The following DMBT1 variants were observed in gnomAD, a reference collection of about 807,000 sequenced individuals.
DMBT1 encodes deleted in malignant brain tumors 1.
Under a neutral mutation model 252.9 loss-of-function variants are expected in DMBT1, and 198 were observed. That is an observed-to-expected ratio of 0.78 (90% confidence interval 0.70 to 0.88). The LOEUF (loss-of-function observed/expected upper bound fraction) is 0.88. DMBT1 is among the 40% of genes least tolerant of loss of function. The pLI is 0.00. For synonymous variants in DMBT1, 990 were observed against 942.7 expected, an observed-to-expected ratio of 1.05 and a Z score of -0.92; for missense variants, 2,432 against 2,404.7, an observed-to-expected ratio of 1.01 and a Z score of -0.24.
chr10:122,630,050 G>A (rs1305755462), intron 47 of DMBT1, 57 bp downstream of exon 47: 10 of 1,601,794 alleles, frequency 6.2e-6, no homozygotes, highest in Non-Finnish European at 8.5e-6. Context: ...ACACCCACTG[G>A]TTTAGACTGT....
intron 4 of DMBT1, among the ~76,000 whole-genome samples, chr10:122,571,913 T>C (rs2981798): frequency 0.69 from 104,596 of 152,174 alleles, 36,161 homozygotes; most frequent in East Asian, 0.77. Context: ...TTGGAAACCA[T>C]CTTTCTTGTT....
At chr10:122,576,343 C>G in intron 6 of DMBT1, 56 bp from the exon 7 acceptor site, 1 of 1,595,606 alleles carries the variant, frequency 6.3e-7, no homozygotes, top group Non-Finnish European at 8.5e-7. Context: ...CCTGCAGGCC[C>G]TGAGACCTTG....
chr10:122,589,322 A>G (rs2097825988), intron 17 of DMBT1, 55 bp downstream of exon 17: 1 of 1,583,840 alleles, frequency 6.3e-7, no homozygotes, highest in Admixed American at 1.7e-5. Context: ...GCCCAGGAAG[A>G]GAGGTCTTAT....
Position 122,585,981 on chromosome 10 carries a change from G to C in DMBT1, c.1460-79G>C, listed in dbSNP as rs149401684. The C allele has an allele frequency of 1.0e-4, 158 of 1,575,318 alleles. 17 individuals are homozygous for C. The highest frequency in any genetic ancestry group is 1.3e-4 in the Non-Finnish European group (156 of 1,159,494). ...CCCAGGTGACTTTAGCCATTAGGAC[G>C]TGCCTTGAGTGTGGAACATTCCTTA... On this transcript the variant is annotated intron_variant, in intron 15 of 55. Transcript: ENST00000338354.
chr10:122,572,541 C>G (rs1008030976), intron 5 of DMBT1, among the ~76,000 whole-genome samples, 180 bp downstream of exon 5: 1 of 152,198 alleles, frequency 6.6e-6, no homozygotes, highest in Non-Finnish European at 1.5e-5. Context: ...TCACCACACA[C>G]GAGCACGTTT....
chr10:122,576,483 G>C lies in DMBT1; in HGVS notation c.368G>C (p.Trp123Ser). 1 of 1,613,972 alleles carries C rather than the reference G, an allele frequency of 6.2e-7. No individual in the cohort carries two copies. The highest frequency in any genetic ancestry group is 1.1e-5 in the South Asian group (1 of 91,070). The change falls in exon 7 of 56, where the codon TGG becomes TCG. Residue 123 changes from tryptophan to serine, a missense_variant. Coordinates refer to ENST00000338354, the MANE Select transcript of DMBT1 (RefSeq NM_001377530.1). ...GTGGAGATCCTATACCGAGGCTCCTGGGGCACCGTGTGTGATGACAGCTGG... is the reference window on the plus strand; with the variant it reads ...GTGGAGATCCTATACCGAGGCTCCTCGGGCACCGTGTGTGATGACAGCTGG... ...GRVEILYRGSWGTVCDDSWDT... is the reference protein window; with the variant it reads ...GRVEILYRGSSGTVCDDSWDT...
chr10:122,587,336 G>A (rs928368699), intron 16 of DMBT1, among the ~76,000 whole-genome samples: 2 of 148,600 alleles, frequency 1.3e-5, no homozygotes, highest in African/African-American at 4.9e-5. Flanking sequence ...ACAAGGCTGG[G>A]AGTGGAGATT....
rs2097540055 is a variant in DMBT1 at position 122,560,810 on chromosome 10, TG to T, written c.44del (p.Gly15AspfsTer19). ...STVILEMCLLWGQVLSTGGWI... is the reference protein window; with the variant it reads ...STVILEMCLLXGQVLSTGGWI... Reference sequence around the variant, plus strand: ...AGTCATCCTTGAAATGTGTCTTTTATGGGGACAAGTTCTATCTACAGGTATT... The same window carrying T: ...AGTCATCCTTGAAATGTGTCTTTTATGGGACAAGTTCTATCTACAGGTATT... On this transcript the variant is annotated frameshift_variant, in exon 1 of 56. Transcript: ENST00000338354. LOFTEE classifies it high-confidence loss of function. 1 of 1,573,030 alleles carries T rather than the reference TG, an allele frequency of 6.4e-7. No homozygotes were observed.
chr10:122,573,822 TC>T lies in DMBT1; in HGVS notation c.283+61del, dbSNP rs1488992161. The T allele has an allele frequency of 3.8e-6, 6 of 1,586,816 alleles. No homozygotes were observed. The African/African-American group carries it at 8.1e-5, about 21-fold the overall frequency. ...TTACCCCCCTGCACCCCTAGGTTAA[TC>T]TCTGATTCAGATGAGGTGCAGAGGG... On this transcript the variant is annotated intron_variant, in intron 6 of 55. Transcript: ENST00000338354.
At position 122,572,331 on chromosome 10, in the gene DMBT1, G is replaced by C; in HGVS notation, c.205G>C (p.Glu69Gln). 1 of 1,613,270 alleles carries C rather than the reference G, an allele frequency of 6.2e-7. No homozygotes were observed. Among genetic ancestry groups the C allele is most frequent in the Non-Finnish European group, 8.5e-7 (1 of 1,179,394 alleles). Residue 69 changes from glutamate to glutamine, a missense_variant, in exon 5 of 56, where the codon GAG becomes CAG. Physicochemically the swap from Glu to Gln is conservative, Grantham distance 29. This residue lies in a region of DMBT1 where 1,264 missense variants were observed against 1,082.2 expected (regional missense o/e 1.17). Transcript: ENST00000338354. ...TVAEGSPISL[E>Q]STLESTVAEG... is the part of the protein sequence containing the mutation. ...CCCTGCAGGTTCTCCGATTTCCTTGGAGTCAACCCTGGAGTCAACCGTAGC... is the reference window on the plus strand; with the variant it reads ...CCCTGCAGGTTCTCCGATTTCCTTGCAGTCAACCCTGGAGTCAACCGTAGC...
At position 122,573,780 on chromosome 10, in the gene DMBT1, G is replaced by A; in HGVS notation, c.283+18G>A. ...AGCAGAAGGTAACGTCTACTATGGGGGATCCCTGTAGGCTCATTACCCCCC... is the reference window on the plus strand; with the variant it reads ...AGCAGAAGGTAACGTCTACTATGGGAGATCCCTGTAGGCTCATTACCCCCC... On this transcript the variant is annotated intron_variant, in intron 6 of 55. Coordinates refer to ENST00000338354, the MANE Select transcript of DMBT1 (RefSeq NM_001377530.1). 6.2e-7 allele frequency: 1 copy of A among 1,612,580 alleles called. No homozygotes were observed. Among genetic ancestry groups the A allele is most frequent in the South Asian group, 1.1e-5 (1 of 91,048 alleles).
chr10:122,572,542 G>A (rs1019401148), intron 5 of DMBT1, among the ~76,000 whole-genome samples, 181 bp downstream of exon 5: 1 of 152,180 alleles, frequency 6.6e-6, no homozygotes, highest in Non-Finnish European at 1.5e-5. Context: ...CACCACACAC[G>A]AGCACGTTTG....
At chr10:122,600,383 G>A (rs767659110) in intron 27 of DMBT1, among the ~76,000 whole-genome samples, 17 of 152,136 alleles carry the variant, frequency 1.1e-4, no homozygotes, top group Non-Finnish European at 2.5e-4. Flanking sequence ...TGTTTAATGA[G>A]CTTTGGTCCT....
At chr10:122,587,012 G>A (rs2097795791) in intron 16 of DMBT1, among the ~76,000 whole-genome samples, 2 of 148,536 alleles carry the variant, frequency 1.3e-5, no homozygotes, top group Non-Finnish European at 3.0e-5. Context: ...CCCCTGACCA[G>A]GGAGGACACT....
intron 44 of DMBT1, 89 bp downstream of exon 44, chr10:122,621,469 A>G (rs2098068063): frequency 6.3e-7 from 1 of 1,581,974 alleles, no homozygotes; most frequent in Non-Finnish European, 8.6e-7. Context: ...CCTCACTCAA[A>G]GCTTCTCCTG....
chr10:122,591,254 T>C (rs1486185374), intron 18 of DMBT1, among the ~76,000 whole-genome samples: 3 of 148,252 alleles, frequency 2.0e-5, no homozygotes, highest in African/African-American at 7.3e-5. Flanking sequence ...GAGAAGAGGG[T>C]ATTCCACACT....
At position 122,588,999 on chromosome 10, in the gene DMBT1, C is replaced by T. The variant is rs2097821747; in HGVS notation, c.1839C>T (p.Gly613=). The change falls in exon 17 of 56, where the codon GGC becomes GGT. Residue 613 remains glycine (G), a synonymous_variant. Transcript: ENST00000338354. Reference sequence around the variant, plus strand: ...TGAATGGAGGTGACAGGTGTCAGGGCCGAGTGGAGGTCCTATACCGAGGCT... The same window carrying T: ...TGAATGGAGGTGACAGGTGTCAGGGTCGAGTGGAGGTCCTATACCGAGGCT... ...RLVNGGDRCQ[G]RVEVLYRGSW... 6.3e-7 allele frequency: 1 copy of T among 1,588,344 alleles called. No homozygotes were observed. The highest frequency in any genetic ancestry group is 1.3e-5 in the African/African-American group (1 of 74,506).
rs752208447 is a variant in DMBT1, at chr10:122,630,453, C to T, written c.5988C>T (p.Asn1996=). Residue 1996 remains asparagine, a synonymous_variant, in exon 48 of 56, where the codon AAC becomes AAT. Transcript: ENST00000338354. The stretch of plus-strand genomic sequence containing the variant: ...TTCGAAGTGACATCAGTTTCCAAAA[C>T]ACTGGCTTTTTGGCTTGGTATAACT... ...IHFRSDISFQ[N]TGFLAWYNSF... 2.5e-6 allele frequency: 4 copies of T among 1,614,004 alleles called. No homozygotes were observed. Among genetic ancestry groups the T allele is most frequent in the South Asian group, 2.2e-5 (2 of 91,082 alleles).
Position 122,589,088 on chromosome 10 carries a change from T to A in DMBT1, c.1928T>A (p.Leu643Gln). 4 of 1,588,806 alleles carry A rather than the reference T, an allele frequency of 2.5e-6. No homozygotes were observed. Among genetic ancestry groups the A allele is most frequent in the Non-Finnish European group, 3.4e-6 (4 of 1,165,924 alleles). ...GATGCCAATGTGGTCTGCAGGCAGC[T>A]GGGCTGTGGCTGGGCCACGTCAGCC... The part of the protein sequence containing the change: ...TNDANVVCRQ[L>Q]GCGWATSAPG... Residue 643 changes from leucine to glutamine, a missense_variant, in exon 17 of 56, where the codon CTG becomes CAG. Leu to Gln is a moderately radical substitution (Grantham distance 113, BLOSUM62 -2). Coordinates refer to ENST00000338354, the MANE Select transcript of DMBT1 (RefSeq NM_001377530.1).
Sources: allele counts gnomAD v4.1 joint callset (sites outside exome capture counted in the v4.1 genomes callset), GRCh38; gene constraint gnomAD v4.1.1; regional missense constraint gnomAD v4.1.1; transcripts MANE v1.5; gene names NCBI Gene and HGNC (gene_info 2026-07-23, HGNC 2026-07-21).